MBNL1: variants seen among roughly 807,000 people sequenced by gnomAD.
MBNL1 encodes muscleblind-like protein 1.
Under a neutral mutation model 42.2 loss-of-function variants are expected in MBNL1, and 8 were observed. The ratio of observed to expected loss-of-function variants is 0.19; its 90% CI spans 0.11 to 0.34. MBNL1 has a LOEUF of 0.34. MBNL1 is among the 10% of genes least tolerant of loss of function. The probability of loss-of-function intolerance (pLI) is 1.00; values close to 1 mark genes in which losing one functional copy is unlikely to be tolerated. For synonymous variants in MBNL1, 169 were observed against 173.9 expected, an observed-to-expected ratio of 0.97 and a Z score of 0.22; for missense variants, 309 against 495.3, an observed-to-expected ratio of 0.62 and a Z score of 3.57.
chr3:152,412,034 A>G (rs1009035461), intron 2 of MBNL1, among the ~76,000 whole-genome samples: 3 of 152,206 alleles, frequency 2.0e-5, no homozygotes, highest in Admixed American at 2.0e-4. Flanking sequence ...TGATGCTACT[A>G]AGGGCTCAGA....
At chr3:152,380,986 CAGA>C (rs2097157593) in intron 2 of MBNL1, among the ~76,000 whole-genome samples, 1 of 151,998 alleles carries the variant, frequency 6.6e-6, no homozygotes, top group South Asian at 2.1e-4. Flanking sequence ...GTTAATAAAA[CAGA>C]AGGAGGGGCA....
intron 2 of MBNL1, chr3:152,340,739 G>A (rs551349492): frequency 6.2e-7 from 1 of 1,614,012 alleles, no homozygotes; most frequent in East Asian, 2.2e-5. Flanking sequence ...TTCCGTGATG[G>A]CTGAGAAGCA....
chr3:152,396,259 T>A (rs1047503442), intron 2 of MBNL1: 3 of 236,618 alleles, frequency 1.3e-5, no homozygotes, highest in African/African-American at 7.1e-5. Flanking sequence ...TATATTACAA[T>A]GTAATAATAA....
At chr3:152,349,769 T>TGTGA (rs2094724007) in intron 2 of MBNL1, among the ~76,000 whole-genome samples, 1 of 151,954 alleles carries the variant, frequency 6.6e-6, no homozygotes, top group African/African-American at 2.4e-5. Flanking sequence ...TGTGTGTGTG[T>TGTGA]GTGTATGTGT....
Position 152,463,898 on chromosome 3 carries a change from C to T in MBNL1, c.*1532C>T, listed in dbSNP as rs1748924216. 1 of 152,360 alleles carries T rather than the reference C, an allele frequency of 6.6e-6. No individual in the cohort carries two copies. The highest frequency in any genetic ancestry group is 2.1e-4 in the South Asian group (1 of 4,814). The allele number at this position is 152,360 out of a possible 1,614,324, so 9.4% of individuals were successfully genotyped here. On this transcript the variant is annotated 3_prime_UTR_variant, in exon 10 of 10. Coordinates refer to ENST00000324210, the MANE Select transcript of MBNL1 (RefSeq NM_021038.5). ...TCAGTTATAGAACTTTCCATACTTC[C>T]AAGTTTACTGCAAGTTTTTATGCTT... is the stretch of plus-strand genomic sequence containing the variant.
chr3:152,317,380 C>T (rs577896745), intron 2 of MBNL1, among the ~76,000 whole-genome samples: 3 of 152,068 alleles, frequency 2.0e-5, no homozygotes, highest in African/African-American at 4.8e-5. Flanking sequence ...AGTGCAGTGG[C>T]GCAATCTTAG....
At position 152,447,747 on chromosome 3, in the gene MBNL1, A is replaced by G; in HGVS notation, c.935A>G (p.Gln312Arg). 6.2e-7 allele frequency: 1 copy of G among 1,613,824 alleles called. No individual in the cohort carries two copies. Among genetic ancestry groups the G allele is most frequent in the Non-Finnish European group, 8.5e-7 (1 of 1,179,774 alleles). Residue 312 changes from glutamine to arginine, a missense_variant, in exon 6 of 10, where the codon CAA becomes CGA. By Grantham distance (43) the Gln-to-Arg change is conservative. Coordinates refer to ENST00000324210, the MANE Select transcript of MBNL1 (RefSeq NM_021038.5). ...YQQALANMQL[Q>R]QHTAFLPPGS... ...CAGGCTCTAGCCAACATGCAGTTAC[A>G]ACAGCATACAGCATTTCTCCCACCA...
In MBNL1 at chr3:152,415,081, C is replaced by T. The variant is rs764797926; in HGVS notation, c.315C>T (p.Ala105=). The change falls in exon 3 of 10, where the codon GCC becomes GCT. Residue 105 remains alanine (A), a synonymous_variant. Transcript: ENST00000324210. ...CCCAGCAAATGCAACTAGCCAATGC[C>T]ATGATGCCTGGTGCCCCATTACAAC... ...MLAQQMQLAN[A]MMPGAPLQPV... The T allele has an allele frequency of 6.2e-6, 10 of 1,600,150 alleles. No homozygotes were observed. Among genetic ancestry groups the T allele is most frequent in the Middle Eastern group, 3.3e-4 (2 of 6,048 alleles).
In MBNL1 at chr3:152,432,704, T is replaced by C. The variant is rs756307080; in HGVS notation, c.346-13T>C. 6.2e-7 allele frequency: 1 copy of C among 1,613,770 alleles called. No homozygotes were observed. Among genetic ancestry groups the C allele is most frequent in the Non-Finnish European group, 8.5e-7 (1 of 1,179,766 alleles). On this transcript the variant is annotated splice_polypyrimidine_tract_variant and intron_variant, in intron 3 of 9. Coordinates refer to ENST00000324210, the MANE Select transcript of MBNL1 (RefSeq NM_021038.5). ...ACCTGCATGTTAAATTTTGCTTTTA[T>C]TTTATTTTTCAGCCAATGTTTTCAG...
intron 2 of MBNL1, among the ~76,000 whole-genome samples, chr3:152,357,267 C>A (rs1472920098): frequency 6.6e-6 from 1 of 152,040 alleles, no homozygotes; most frequent in Non-Finnish European, 1.5e-5. Flanking sequence ...TTTCAGAAGC[C>A]CACAGTTATA....
At chr3:152,403,432 A>G (rs1010041434) in intron 2 of MBNL1, among the ~76,000 whole-genome samples, 10 of 152,138 alleles carry the variant, frequency 6.6e-5, no homozygotes, top group African/African-American at 1.9e-4. Flanking sequence ...CAAGTTCCAT[A>G]GTTTATAGTT....
At chr3:152,267,745 A>G (rs2037626557), upstream of MBNL1, 2 of 152,182 alleles carry the variant, frequency 1.3e-5, no homozygotes, top group Non-Finnish European at 2.9e-5. Context: ...GTCAAGAACT[A>G]AAGTCGGCTA....
chr3:152,265,120 G>A (rs1029458922), upstream of MBNL1: 10 of 152,138 alleles, frequency 6.6e-5, no homozygotes, highest in Admixed American at 5.9e-4. Context: ...CAACCCTGTT[G>A]TGAAGTTTAA....
chr3:152,332,119 C>G (rs1021265019), intron 2 of MBNL1, among the ~76,000 whole-genome samples: 4 of 152,166 alleles, frequency 2.6e-5, no homozygotes, highest in Non-Finnish European at 1.5e-5. Context: ...CAGTTGGAAT[C>G]TGTATGTCTG....
chr3:152,339,496 CTA>C (rs1027556802), intron 2 of MBNL1, among the ~76,000 whole-genome samples: 2 of 151,816 alleles, frequency 1.3e-5, no homozygotes, highest in Non-Finnish European at 2.9e-5. Context: ...TCCCCCGCCT[CTA>C]TTTTCAGGCA....
At chr3:152,456,617 A>G (rs1734316605) in intron 8 of MBNL1, among the ~76,000 whole-genome samples, 1 of 152,218 alleles carries the variant, frequency 6.6e-6, no homozygotes, top group Non-Finnish European at 1.5e-5. Context: ...TTCTGAAGCT[A>G]CTAAAATGAT....
intron 2 of MBNL1, among the ~76,000 whole-genome samples, chr3:152,305,894 A>G (rs893162709): frequency 2.0e-5 from 3 of 152,156 alleles, no homozygotes; most frequent in Non-Finnish European, 4.4e-5. Flanking sequence ...TCATCCCTAC[A>G]TTTTTGGCAC....
chr3:152,313,818 C>T (rs1167003340), intron 2 of MBNL1, among the ~76,000 whole-genome samples: 1 of 152,142 alleles, frequency 6.6e-6, no homozygotes, highest in Non-Finnish European at 1.5e-5. Flanking sequence ...AACCCCTTAA[C>T]CTCTTAACAT....
At chr3:152,371,015 T>C (rs2096636955) in intron 2 of MBNL1, among the ~76,000 whole-genome samples, 1 of 152,174 alleles carries the variant, frequency 6.6e-6, no homozygotes. Flanking sequence ...TTAATATTGT[T>C]ATGTGTGAGT....
Sources: allele counts gnomAD v4.1 joint callset (sites outside exome capture counted in the v4.1 genomes callset), GRCh38; gene constraint gnomAD v4.1.1; transcripts MANE v1.5; gene names NCBI Gene and HGNC (gene_info 2026-07-23, HGNC 2026-07-21).